The following SNCG variants were observed in gnomAD, a reference collection of about 807,000 sequenced individuals.
The protein encoded by SNCG is synuclein gamma.
A neutral mutation model predicts 16.0 loss-of-function variants in SNCG; 13 were observed. The ratio of observed to expected loss-of-function variants is 0.81; its 90% CI spans 0.53 to 1.29. The LOEUF is 1.29. Ranked by LOEUF, SNCG falls within the 50% of genes most tolerant of loss-of-function variation. SNCG has a pLI of 0.00. For missense variants in SNCG, 154 were observed against 168.5 expected, an observed-to-expected ratio of 0.91 and a Z score of 0.48; for synonymous variants, 66 against 66.3, an observed-to-expected ratio of 1.00 and a Z score of 0.02.
chr10:86,960,245 CTTCAGT>C, intron 3 of SNCG, 117 bp downstream of exon 3: 1 of 1,064,574 alleles, frequency 9.4e-7, no homozygotes, highest in Non-Finnish European at 1.3e-6. Context: ...CTGCGGCTGG[CTTCAGT>C]TTCAGTACCC....
At chr10:86,957,646 C>T (rs1434900021), upstream of SNCG, 5 of 1,433,862 alleles carry the variant, frequency 3.5e-6, no homozygotes, top group Admixed American at 4.5e-5. Flanking sequence ...AAAGAAAATA[C>T]GAGGACAACA....
intron 3 of SNCG, among the ~76,000 whole-genome samples, chr10:86,961,441 CCATCAT>C (rs374307063): frequency 4.2e-4 from 63 of 151,668 alleles, no homozygotes; most frequent in African/African-American, 6.3e-4. Context: ...AGGAAGGTGA[CCATCAT>C]CATCATCATC....
At chr10:86,957,462 G>C (rs770772378), upstream of SNCG, 2 of 1,613,482 alleles carry the variant, frequency 1.2e-6, no homozygotes, top group Non-Finnish European at 1.7e-6. Context: ...AGAGAGGCTA[G>C]TACTGGAAGC....
intron 1 of SNCG, 25 bp downstream of exon 1, chr10:86,958,843 A>C: frequency 1.9e-6 from 3 of 1,584,384 alleles, no homozygotes; most frequent in Non-Finnish European, 2.6e-6. Flanking sequence ...GCAGGGTGGG[A>C]CAGTGTGGTG....
chr10:86,957,549 G>A (rs1489788138), upstream of SNCG: 2 of 1,603,800 alleles, frequency 1.2e-6, no homozygotes, highest in Non-Finnish European at 1.7e-6. Flanking sequence ...CATCTTGGTG[G>A]TGGGGCAGGC....
chr10:86,962,704 T>A (rs1043166025), intron 4 of SNCG, 29 bp downstream of exon 4: 3 of 1,566,318 alleles, frequency 1.9e-6, no homozygotes, highest in Non-Finnish European at 2.6e-6. Flanking sequence ...GGGTGCACCA[T>A]GGGGGGTTCC....
Position 86,958,647 on chromosome 10 carries a change from G to A in SNCG, c.-51G>A. The stretch of plus-strand genomic sequence containing the variant: ...AGCCAGCTCAAGCCCGCAGCTCGCA[G>A]GGAGATCCAGCTCCGTCCTGCCTGC... On this transcript the variant is annotated 5_prime_UTR_variant, in exon 1 of 5. Transcript: ENST00000372017. 6.2e-7 allele frequency: 1 copy of A among 1,611,380 alleles called. No individual in the cohort carries two copies. The highest frequency in any genetic ancestry group is 8.5e-7 in the Non-Finnish European group (1 of 1,179,320).
At chr10:86,957,253 A>C, upstream of SNCG, 6 of 991,736 alleles carry the variant, frequency 6.0e-6, no homozygotes, top group Non-Finnish European at 7.7e-6. Flanking sequence ...CAGATGGCCC[A>C]GAGATAGATA....
At chr10:86,957,475 G>A (rs919867294), upstream of SNCG, 2 of 1,613,374 alleles carry the variant, frequency 1.2e-6, no homozygotes, top group Non-Finnish European at 1.7e-6. Flanking sequence ...CTGGAAGCCT[G>A]GGCCCATGCC....
upstream of SNCG, chr10:86,958,378 G>A: frequency 2.0e-6 from 2 of 985,426 alleles, no homozygotes; most frequent in Non-Finnish European, 2.4e-6. Flanking sequence ...GTTGGGAGGT[G>A]GCCAGCCCCC....
chr10:86,962,519 C>T (rs1248939074), intron 3 of SNCG, 85 bp from the exon 4 acceptor site: 1 of 976,790 alleles, frequency 1.0e-6, no homozygotes, highest in Non-Finnish European at 1.6e-6. Flanking sequence ...TCCTTGAGGC[C>T]AGGGTAGACA....
upstream of SNCG, chr10:86,957,330 G>A (rs1844251151): frequency 1.3e-6 from 2 of 1,591,660 alleles, no homozygotes; most frequent in Non-Finnish European, 8.6e-7. Flanking sequence ...GCTGAGCTGG[G>A]ACTCAGATCC....
chr10:86,963,126 T>C lies in SNCG; in HGVS notation c.*141T>C. The stretch of plus-strand genomic sequence containing the variant: ...CTCGTCTCCCTGGCCACCCTTGGCC[T>C]GTCCACCTGTGCTGCTGCACCAACC... On this transcript the variant is annotated 3_prime_UTR_variant, in exon 5 of 5. Transcript: ENST00000372017. 2 of 759,520 alleles carry C rather than the reference T, an allele frequency of 2.6e-6. No homozygotes were observed. The highest frequency in any genetic ancestry group is 2.9e-5 in the East Asian group (1 of 34,500). The allele number at this position is 759,520 out of a possible 1,614,324, so 47.0% of individuals were successfully genotyped here.
At chr10:86,957,548 G>A, upstream of SNCG, 1 of 1,603,772 alleles carries the variant, frequency 6.2e-7, no homozygotes, top group Non-Finnish European at 8.5e-7. Context: ...TCATCTTGGT[G>A]GTGGGGCAGG....
At chr10:86,957,866 C>T (rs570370734), upstream of SNCG, 1 of 1,119,288 alleles carries the variant, frequency 8.9e-7, no homozygotes, top group Non-Finnish European at 1.1e-6. Context: ...ATGAAAAGAG[C>T]GTGGACTTCG....
Position 86,959,553 on chromosome 10 carries a change from C to G in SNCG, c.122-80C>G, listed in dbSNP as rs895439841. On this transcript the variant is annotated intron_variant, in intron 1 of 4. Transcript: ENST00000372017. This position sits in a 1 kb window ranked among gnomAD's most constrained non-coding sequence, Gnocchi z 4.3. ...CCCCCCACCGACCCCACAGTTTGTC[C>G]AGCTGTTCTGTTGTGTTTGTCCTGA... 2.3e-6 allele frequency: 3 copies of G among 1,332,460 alleles called. No individual in the cohort carries two copies. In the East Asian group the frequency reaches 6.9e-5, roughly 31 times the overall value. 82.5% of individuals were successfully genotyped at this position (1,332,460 alleles called of 1,614,324 possible).
At chr10:86,958,501 T>TACCAA (rs2133693061), upstream of SNCG, 44 of 644,198 alleles carry the variant, frequency 6.8e-5, no homozygotes, top group Non-Finnish European at 9.1e-5. Context: ...CCTCCTTCCC[T>TACCAA]CCCTCCCTCC....
upstream of SNCG, among the ~76,000 whole-genome samples, chr10:86,955,902 C>T (rs996648879): frequency 3.3e-5 from 5 of 152,240 alleles, no homozygotes; most frequent in South Asian, 8.3e-4. Flanking sequence ...GACTGCGGGG[C>T]CCCTGCAGGG....
Position 86,959,893 on chromosome 10 carries a change from C to A in SNCG, c.164-108C>A. 6.6e-7 allele frequency: 1 copy of A among 1,511,810 alleles called. No homozygotes were observed. Among genetic ancestry groups the A allele is most frequent in the South Asian group, 1.2e-5 (1 of 80,938 alleles). The allele number at this position is 1,511,810 out of a possible 1,614,324, so 93.6% of individuals were successfully genotyped here. A position where few individuals can be genotyped will look rare whatever the true frequency, so the allele number is the denominator to read the frequency against. ...AGTCAGAGGGAGCAGGGGAGGGTCCCAGCAGGGCCAGGGCTCTGAGCTCCT... is the reference window on the plus strand; with the variant it reads ...AGTCAGAGGGAGCAGGGGAGGGTCCAAGCAGGGCCAGGGCTCTGAGCTCCT... On this transcript the variant is annotated intron_variant, in intron 2 of 4. Coordinates refer to ENST00000372017, the MANE Select transcript of SNCG (RefSeq NM_003087.3). This position sits in a 1 kb window ranked among gnomAD's most constrained non-coding sequence, Gnocchi z 4.3.
Sources: gnomAD v4.1 joint callset for allele counts (sites outside exome capture counted in the v4.1 genomes callset) on GRCh38, gnomAD v4.1.1 for gene constraint, Gnocchi (gnomAD v3.1) non-coding constraint, MANE v1.5 for transcripts, NCBI Gene and HGNC (gene_info 2026-07-23, HGNC 2026-07-21) for gene names.